LRRTM4: variants seen among roughly 807,000 people sequenced by gnomAD.
LRRTM4 encodes the protein leucine rich repeat transmembrane neuronal 4.
Under a neutral mutation model 47.6 loss-of-function variants are expected in LRRTM4, and 25 were observed. The observed-to-expected ratio is 0.53, with a 90% CI of 0.38 to 0.73. The LOEUF is 0.73. Among genes scored for constraint, LRRTM4 ranks in the 30% least tolerant of loss-of-function variants. The pLI is 0.00. For missense variants in LRRTM4, 638 were observed against 713.4 expected (o/e 0.89, Z 1.20); for synonymous variants, 311 against 269.5 (o/e 1.15, Z -1.51).
At chr2:76,989,501 C>G (rs1676926838) in intron 3 of LRRTM4, among the ~76,000 whole-genome samples, 1 of 151,728 alleles carries the variant, frequency 6.6e-6, no homozygotes. Context: ...AAAAAGGATA[C>G]TTTTGTTAGT....
At chr2:77,042,297 ATC>A (rs1679060499) in intron 3 of LRRTM4, among the ~76,000 whole-genome samples, 2 of 151,724 alleles carry the variant, frequency 1.3e-5, no homozygotes, top group Non-Finnish European at 3.0e-5. Context: ...AAAGAAAGAA[ATC>A]AACACAGCAG....
At chr2:76,973,246 A>G (rs1019635473) in intron 3 of LRRTM4, among the ~76,000 whole-genome samples, 1 of 152,010 alleles carries the variant, frequency 6.6e-6, no homozygotes, top group Non-Finnish European at 1.5e-5. Flanking sequence ...TGAAAGCAGT[A>G]ATTACACAGA....
At chr2:77,471,767 A>T (rs1677198136) in intron 3 of LRRTM4, among the ~76,000 whole-genome samples, 1 of 152,130 alleles carries the variant, frequency 6.6e-6, no homozygotes, top group Non-Finnish European at 1.5e-5. Flanking sequence ...ACACACATTC[A>T]CCATCACCAG....
intron 3 of LRRTM4, among the ~76,000 whole-genome samples, chr2:77,100,057 G>C (rs942512899): frequency 6.6e-6 from 1 of 151,622 alleles, no homozygotes. Flanking sequence ...GTGTCCTCTT[G>C]GTCCTTTAAG....
intron 3 of LRRTM4, among the ~76,000 whole-genome samples, chr2:76,787,430 G>C (rs1426157389): frequency 6.6e-6 from 1 of 151,980 alleles, no homozygotes; most frequent in Admixed American, 6.6e-5. Context: ...TACATTTCCA[G>C]ATGTCAACAT....
At chr2:77,067,511 C>T (rs1036716155) in intron 3 of LRRTM4, among the ~76,000 whole-genome samples, 4 of 151,698 alleles carry the variant, frequency 2.6e-5, no homozygotes, top group African/African-American at 9.7e-5. Context: ...GTAGATACAA[C>T]TAACAAATTT....
chr2:76,873,515 T>TAC (rs1558705779), intron 3 of LRRTM4, among the ~76,000 whole-genome samples: 6 of 145,602 alleles, frequency 4.1e-5, no homozygotes, highest in Non-Finnish European at 6.0e-5. Context: ...TGTATATATA[T>TAC]ATATATATAT....
rs533103209 is a variant in LRRTM4 at position 77,002,866 on chromosome 2, T to A, written c.1552-253950A>T. ...CTTCATCACATTGTCCTGTTCTATT[T>A]ATTGAGCTTACGTTTTGGAGTACTT... On this transcript the variant is annotated intron_variant, in intron 3 of 3. Coordinates refer to ENST00000409884, the MANE Select transcript of LRRTM4 (RefSeq NM_001134745.3). 2.6e-5 allele frequency among the ~76,000 whole-genome samples: 4 copies of A among 152,310 alleles called. No homozygotes were observed. The East Asian group carries it at 7.7e-4, about 29-fold the overall frequency.
chr2:76,852,602 TA>T (rs2103977416), intron 3 of LRRTM4, among the ~76,000 whole-genome samples: 1 of 152,286 alleles, frequency 6.6e-6, no homozygotes, highest in Non-Finnish European at 1.5e-5. Context: ...ATAAAAAGAT[TA>T]TTTTTCTTGC....
intron 3 of LRRTM4, among the ~76,000 whole-genome samples, chr2:77,067,700 CACACACACACACACACAT>C (rs1680003884): frequency 6.6e-6 from 1 of 151,304 alleles, no homozygotes; most frequent in African/African-American, 2.4e-5. Flanking sequence ...CACACACACA[CACACACACACACACACAT>C]ACATATTTCA....
chr2:76,772,942 C>A (rs1379654262), intron 3 of LRRTM4: 1 of 152,156 alleles, frequency 6.6e-6, no homozygotes, highest in Non-Finnish European at 1.5e-5. Context: ...TGCGCCTGAT[C>A]TCATCTGATC....
intron 3 of LRRTM4, among the ~76,000 whole-genome samples, chr2:76,926,674 C>G (rs1244486632): frequency 6.6e-6 from 1 of 152,100 alleles, no homozygotes; most frequent in African/African-American, 2.4e-5. Context: ...GAGTCTGACC[C>G]CTTCTTGCTC....
At chr2:76,807,457 T>TATATATATATAC (rs1553412656) in intron 3 of LRRTM4, among the ~76,000 whole-genome samples, 2 of 94,212 alleles carry the variant, frequency 2.1e-5, no homozygotes, top group South Asian at 3.7e-4. Flanking sequence ...TATATATATA[T>TATATATATATAC]ACATATATAT....
At chr2:77,232,076 C>T (rs868726018) in intron 3 of LRRTM4, among the ~76,000 whole-genome samples, 23 of 151,992 alleles carry the variant, frequency 1.5e-4, no homozygotes, top group South Asian at 2.1e-4. Flanking sequence ...CTTTGTTTTC[C>T]ACATCAACTT....
At chr2:77,517,704 A>AG in intron 3 of LRRTM4, 1 of 984,266 alleles carries the variant, frequency 1.0e-6, no homozygotes, top group Non-Finnish European at 1.2e-6. Flanking sequence ...ACAAAAAAAA[A>AG]AAAAGAAAGA....
At chr2:77,304,577 C>A (rs569203641) in intron 3 of LRRTM4, among the ~76,000 whole-genome samples, 1 of 152,158 alleles carries the variant, frequency 6.6e-6, no homozygotes, top group African/African-American at 2.4e-5. Flanking sequence ...GAATAGAAGT[C>A]AAACAGAAAG....
At chr2:77,448,435 G>A (rs1676136336) in intron 3 of LRRTM4, among the ~76,000 whole-genome samples, 1 of 151,932 alleles carries the variant, frequency 6.6e-6, no homozygotes, top group South Asian at 2.1e-4. Context: ...AACACTAGAG[G>A]GATACAGTTT....
intron 3 of LRRTM4, among the ~76,000 whole-genome samples, chr2:77,360,206 C>A (rs1015853047): frequency 2.0e-5 from 3 of 151,988 alleles, no homozygotes; most frequent in Non-Finnish European, 4.4e-5. Context: ...GCCTGTAATC[C>A]CAGTACTACG....
chr2:77,308,957 C>A (rs1677369197), intron 3 of LRRTM4, among the ~76,000 whole-genome samples: 1 of 152,030 alleles, frequency 6.6e-6, no homozygotes, highest in East Asian at 1.9e-4. Flanking sequence ...CTCAGTATCA[C>A]AAAAGAATCT....
Sources: gnomAD v4.1 joint callset for allele counts (sites outside exome capture counted in the v4.1 genomes callset) on GRCh38, gnomAD v4.1.1 for gene constraint, MANE v1.5 for transcripts, NCBI Gene and HGNC (gene_info 2026-07-23, HGNC 2026-07-21) for gene names.